The following JPH2 variants were observed in gnomAD, a reference collection of about 807,000 sequenced individuals.
The protein encoded by JPH2 is junctophilin 2, also known as junctophilin-2.
Under a neutral mutation model 55.9 loss-of-function variants are expected in JPH2, and 38 were observed. That is an observed-to-expected ratio of 0.68 (90% CI 0.52 to 0.89). JPH2 has a LOEUF of 0.89. JPH2 is among the 40% of genes least tolerant of loss of function. The pLI, the probability that JPH2 is intolerant of heterozygous loss-of-function variation, is 0.00. For missense variants in JPH2, 964 were observed against 1,037.6 expected (o/e 0.93, Z 0.97); for synonymous variants, 480 against 472.4 (o/e 1.02, Z -0.21).
chr20:44,138,418 G>A (rs1600845743), intron 2 of JPH2, among the ~76,000 whole-genome samples: 5 of 147,856 alleles, frequency 3.4e-5, no homozygotes, highest in South Asian at 4.3e-4. Context: ...TGGCTCTTTC[G>A]CCCAGGCTGG....
At chr20:44,148,848 G>A (rs1250003686) in intron 2 of JPH2, among the ~76,000 whole-genome samples, 1 of 152,068 alleles carries the variant, frequency 6.6e-6, no homozygotes, top group African/African-American at 2.4e-5. Flanking sequence ...TAGATCATGA[G>A]GTCAGGAGAT....
At position 44,110,223 on chromosome 20, in the gene JPH2, C is replaced by A. The variant is rs1255536323; in HGVS notation, c.*3295G>T. The stretch of plus-strand genomic sequence containing the variant: ...GCCCCCAACTCATCCAACACACACA[C>A]ATACACACACACACACAGACACACC... On this transcript the variant is annotated 3_prime_UTR_variant, in exon 6 of 6. Transcript: ENST00000372980. 6.6e-6 allele frequency among the ~76,000 whole-genome samples: 1 copy of A among 151,920 alleles called. No homozygotes were observed. The highest frequency in any genetic ancestry group is 1.5e-5 in the Non-Finnish European group (1 of 67,990).
chr20:44,149,388 G>A (rs1008935659), intron 2 of JPH2, among the ~76,000 whole-genome samples: 3 of 152,266 alleles, frequency 2.0e-5, no homozygotes, highest in South Asian at 2.1e-4. Flanking sequence ...CTCACAAAGC[G>A]GGGCAGGGTA....
At chr20:44,149,074 A>C (rs2072512938) in intron 2 of JPH2, among the ~76,000 whole-genome samples, 1 of 151,706 alleles carries the variant, frequency 6.6e-6, no homozygotes, top group Non-Finnish European at 1.5e-5. Context: ...TCAAAAAAAA[A>C]AAACATTCTC....
At chr20:44,133,541 A>G (rs1439825428) in intron 2 of JPH2, among the ~76,000 whole-genome samples, 2 of 152,010 alleles carry the variant, frequency 1.3e-5, no homozygotes, top group African/African-American at 4.8e-5. Flanking sequence ...GCTAAGCCGC[A>G]TCACCAGCAC....
intron 2 of JPH2, among the ~76,000 whole-genome samples, chr20:44,124,354 C>G (rs1376214964): frequency 6.6e-6 from 1 of 152,158 alleles, no homozygotes; most frequent in East Asian, 1.9e-4. Context: ...GTTCCCCGAC[C>G]TGGAAGGCTC....
chr20:44,134,202 TATAA>T lies in JPH2; in HGVS notation c.1170-15583_1170-15580del, dbSNP rs1165217683. On this transcript the variant is annotated intron_variant, in intron 2 of 5. Transcript: ENST00000372980. ...AATATATAAATATTTATTATAAATA[TATAA>T]ATATATATTTATTATAAATATATAT... 7.2e-5 allele frequency among the ~76,000 whole-genome samples: 3 copies of T among 41,844 alleles called. 1 individual carries two copies. The highest frequency in any genetic ancestry group is 7.8e-4 in the East Asian group (1 of 1,280). 27.5% of individuals were successfully genotyped at this position (41,844 alleles called of 152,430 possible). A position where few individuals can be genotyped will look rare whatever the true frequency, so the allele number is the denominator to read the frequency against.
intron 1 of JPH2, among the ~76,000 whole-genome samples, chr20:44,161,463 C>G (rs2072609481): frequency 1.3e-5 from 2 of 152,248 alleles, no homozygotes; most frequent in South Asian, 4.1e-4. Context: ...AACTCCAGAG[C>G]CAGGCTCCCT....
intron 2 of JPH2, among the ~76,000 whole-genome samples, chr20:44,127,886 A>T (rs1344981645): frequency 6.6e-6 from 1 of 152,188 alleles, no homozygotes; most frequent in Non-Finnish European, 1.5e-5. Flanking sequence ...GATGTTGAGC[A>T]TCTATGTGCT....
rs1398543222 is a variant in JPH2, at chr20:44,186,669, C to T, written c.37G>A (p.Ala13Thr). The change falls in exon 1 of 6, where the codon GCG (alanine) becomes ACG (threonine). Residue 13 changes from alanine to threonine, a missense_variant. Physicochemically the swap from Ala to Thr is moderately conservative, Grantham distance 58. Transcript: ENST00000372980. ...GGRFDFDDGGAYCGGWEGGKA... is the reference protein window; with the variant it reads ...GGRFDFDDGGTYCGGWEGGKA... ...CCCCCCTCCCAGCCCCCGCAGTACGCCCCTCCATCATCAAAGTCGAAGCGG... is the reference window on the plus strand; with the variant it reads ...CCCCCCTCCCAGCCCCCGCAGTACGTCCCTCCATCATCAAAGTCGAAGCGG... 6.2e-7 allele frequency: 1 copy of T among 1,601,930 alleles called. No individual in the cohort carries two copies.
At chr20:44,130,948 T>C (rs1056506140) in intron 2 of JPH2, among the ~76,000 whole-genome samples, 1 of 152,178 alleles carries the variant, frequency 6.6e-6, no homozygotes, top group Non-Finnish European at 1.5e-5. Flanking sequence ...GAAGTCATGC[T>C]ATGTGGGTGT....
intron 1 of JPH2, among the ~76,000 whole-genome samples, chr20:44,162,813 C>CACACACAT (rs1418655686): frequency 0.025 from 2,818 of 112,688 alleles, 159 homozygotes; most frequent in Non-Finnish European, 0.035. Flanking sequence ...CACACACACA[C>CACACACAT]ACACACACAC....
chr20:44,160,178 G>A lies in JPH2; in HGVS notation c.609C>T (p.Ser203=), dbSNP rs2145879445. ...CGGCCGCCTCGGCATTGGCCAGGAG[G>A]CTGAGCGCGAAGCCGCCACGCGGGA... The part of the protein sequence containing the change: ...PAIPRGGFAL[S]LLANAEAAAR... The change falls in exon 2 of 6, where the codon AGC becomes AGT. Residue 203 remains serine, a synonymous_variant. Coordinates refer to ENST00000372980, the MANE Select transcript of JPH2 (RefSeq NM_020433.5). This position sits in a 1 kb window ranked among gnomAD's most constrained non-coding sequence, Gnocchi z 4.9. The A allele has an allele frequency of 2.1e-6, 3 of 1,406,458 alleles. No individual in the cohort carries two copies. Among genetic ancestry groups the A allele is most frequent in the Non-Finnish European group, 2.8e-6 (3 of 1,090,190 alleles). The allele number at this position is 1,406,458 out of a possible 1,614,324, so 87.1% of individuals were successfully genotyped here. A position where few individuals can be genotyped will look rare whatever the true frequency, so the allele number is the denominator to read the frequency against.
In JPH2 at chr20:44,134,637, ATATATAAATATT is replaced by A. The variant is rs1320002530; in HGVS notation, c.1170-16026_1170-16015del. 3.3e-3 allele frequency among the ~76,000 whole-genome samples: 197 copies of A among 59,030 alleles called. 10 individuals are homozygous for A. The highest frequency in any genetic ancestry group is 0.014 in the African/African-American group (187 of 13,042). The allele number at this position is 59,030 out of a possible 152,430, so 38.7% of individuals were successfully genotyped here. A position where few individuals can be genotyped will look rare whatever the true frequency, so the allele number is the denominator to read the frequency against. Reference sequence around the variant, plus strand: ...TATAATAAATATATATTTATTATAAATATATAAATATTTATTATAAATATATATAAATATATA... The same window carrying A: ...TATAATAAATATATATTTATTATAAATATTATAAATATATATAAATATATA... On this transcript the variant is annotated intron_variant, in intron 2 of 5. Transcript: ENST00000372980.
rs1490468633 is a variant in JPH2 at position 44,112,304 on chromosome 20, G to A, written c.*1214C>T. ...GCCCTTTCTCTCCATTCTCCTGGAG[G>A]CAGGAAACCATAGCCTTTGGCCCTC... On this transcript the variant is annotated 3_prime_UTR_variant, in exon 6 of 6. Coordinates refer to ENST00000372980, the MANE Select transcript of JPH2 (RefSeq NM_020433.5). 6.6e-6 allele frequency: 1 copy of A among 152,280 alleles called. No homozygotes were observed. The allele number at this position is 152,280 out of a possible 1,614,324, so 9.4% of individuals were successfully genotyped here.
chr20:44,124,178 T>A (rs945975762), intron 2 of JPH2, among the ~76,000 whole-genome samples: 2 of 152,100 alleles, frequency 1.3e-5, no homozygotes, highest in Non-Finnish European at 2.9e-5. Context: ...ATAGAGCAAC[T>A]TCTAAAAGCA....
At chr20:44,132,399 C>T (rs910054) in intron 2 of JPH2, among the ~76,000 whole-genome samples, 1 of 130,448 alleles carries the variant, frequency 7.7e-6, no homozygotes. Flanking sequence ...CACACACACA[C>T]ACATTTGGGC....
In JPH2 at chr20:44,110,704, A is replaced by G. The variant is rs2072135926; in HGVS notation, c.*2814T>C. Among the ~76,000 whole-genome samples the G allele has an allele frequency of 6.6e-6, 1 of 152,224 alleles. No individual in the cohort carries two copies. The highest frequency in any genetic ancestry group is 2.1e-4 in the South Asian group (1 of 4,836). On this transcript the variant is annotated 3_prime_UTR_variant, in exon 6 of 6. Transcript: ENST00000372980. ...CCTCAGCCTCCTCTAACGTGCTGGA[A>G]TTATAGGTGTGAGCCACCATGCCCA... is the stretch of plus-strand genomic sequence containing the variant.
intron 2 of JPH2, among the ~76,000 whole-genome samples, chr20:44,148,055 C>T (rs1179944798): frequency 6.6e-6 from 1 of 152,030 alleles, no homozygotes; most frequent in Non-Finnish European, 1.5e-5. Flanking sequence ...CCCAGCGACT[C>T]GGGAGGCTGA....
Sources: allele counts gnomAD v4.1 joint callset (sites outside exome capture counted in the v4.1 genomes callset), GRCh38; gene constraint gnomAD v4.1.1; non-coding constraint Gnocchi (gnomAD v3.1); transcripts MANE v1.5; gene names NCBI Gene and HGNC (gene_info 2026-07-23, HGNC 2026-07-21).